The following GSG1L variants were observed in gnomAD, a reference collection of about 807,000 sequenced individuals.
The protein encoded by GSG1L is GSG1 like, also known as germ cell-specific gene 1-like protein.
In GSG1L, 24 loss-of-function variants were observed where a neutral mutation model predicts 42.1. The observed-to-expected ratio is 0.57, with a 90% CI of 0.41 to 0.80. GSG1L has a LOEUF of 0.80. Ranked by LOEUF, GSG1L falls within the 30% of genes least tolerant of loss-of-function variation. The pLI is 0.00. For missense variants in GSG1L, 445 were observed against 472.2 expected (o/e 0.94, Z 0.53); for synonymous variants, 215 against 203.5 (o/e 1.06, Z -0.48).
At chr16:27,953,094 C>A (rs903431410) in intron 2 of GSG1L, among the ~76,000 whole-genome samples, 4 of 152,018 alleles carry the variant, frequency 2.6e-5, no homozygotes, top group African/African-American at 9.7e-5. Context: ...TTGTTTTTTT[C>A]TTTTCTTTTT....
intron 1 of GSG1L, among the ~76,000 whole-genome samples, chr16:28,002,829 CG>C (rs2085593920): frequency 6.6e-6 from 1 of 151,588 alleles, no homozygotes; most frequent in African/African-American, 2.4e-5. Context: ...CCCAGCTACT[CG>C]GGAGGCTGAG....
chr16:28,046,436 C>T (rs2086159485), intron 1 of GSG1L, among the ~76,000 whole-genome samples: 1 of 150,434 alleles, frequency 6.6e-6, no homozygotes, highest in African/African-American at 2.5e-5. Context: ...TCACTGCAAG[C>T]TCCGCCTCCC....
chr16:27,989,750 A>C (rs575348441), intron 1 of GSG1L, among the ~76,000 whole-genome samples: 43 of 150,190 alleles, frequency 2.9e-4, no homozygotes, highest in African/African-American at 9.1e-4. Flanking sequence ...AAAAAAAAAA[A>C]CAACAAACAA....
At chr16:27,939,068 A>T (rs978751724) in intron 2 of GSG1L, among the ~76,000 whole-genome samples, 3 of 152,198 alleles carry the variant, frequency 2.0e-5, no homozygotes, top group African/African-American at 7.2e-5. Context: ...CCAACTGCAA[A>T]AAAAGAAAGA....
chr16:28,034,798 C>A (rs1035017002), intron 1 of GSG1L, among the ~76,000 whole-genome samples: 2 of 152,200 alleles, frequency 1.3e-5, no homozygotes, highest in African/African-American at 2.4e-5. Flanking sequence ...GCCTATAACG[C>A]CCCCACTCCA....
intron 1 of GSG1L, among the ~76,000 whole-genome samples, chr16:27,993,644 G>A (rs866724458): frequency 2.6e-5 from 4 of 152,106 alleles, no homozygotes; most frequent in Middle Eastern, 3.2e-3. Flanking sequence ...AGAGGAGAAA[G>A]GAAGAAGCTG....
chr16:28,002,747 G>A (rs975734480), intron 1 of GSG1L, among the ~76,000 whole-genome samples: 3 of 151,560 alleles, frequency 2.0e-5, no homozygotes, highest in African/African-American at 7.3e-5. Context: ...TGGCTAACAC[G>A]GTGAAACCCC....
intron 1 of GSG1L, among the ~76,000 whole-genome samples, chr16:28,003,641 G>A (rs2141146703): frequency 1.3e-5 from 2 of 152,336 alleles, no homozygotes; most frequent in South Asian, 4.1e-4. Flanking sequence ...GCTCCCAGAG[G>A]AGAAGAACTG....
intron 2 of GSG1L, among the ~76,000 whole-genome samples, chr16:27,911,266 G>GCTCGCTCGCTCTCTCTCTCTCT (rs568864667): frequency 8.2e-6 from 1 of 122,058 alleles, no homozygotes; most frequent in African/African-American, 3.5e-5. Flanking sequence ...CCTCTCTCTC[G>GCTCGCTCGCTCTCTCTCTCTCT]CTCTCTCTCT....
chr16:27,792,243 C>T (rs967993293), intron 6 of GSG1L, among the ~76,000 whole-genome samples: 12 of 152,176 alleles, frequency 7.9e-5, no homozygotes, highest in Non-Finnish European at 1.8e-4. Context: ...GCAGATGTCT[C>T]CTAGGTCCCC....
chr16:27,821,049 C>G (rs1194944741), intron 5 of GSG1L, among the ~76,000 whole-genome samples: 1 of 152,104 alleles, frequency 6.6e-6, no homozygotes, highest in Non-Finnish European at 1.5e-5. Flanking sequence ...AAACTCAGCT[C>G]AGGGGTCTCT....
At chr16:27,868,929 A>G (rs2083766340) in intron 3 of GSG1L, among the ~76,000 whole-genome samples, 1 of 151,782 alleles carries the variant, frequency 6.6e-6, no homozygotes, top group African/African-American at 2.4e-5. Flanking sequence ...CCTGAAGGAG[A>G]TAAAAGGTCT....
At chr16:27,936,908 T>C (rs985181122) in intron 2 of GSG1L, among the ~76,000 whole-genome samples, 8 of 152,220 alleles carry the variant, frequency 5.3e-5, no homozygotes, top group East Asian at 1.9e-4. Context: ...AGGAAAGTCA[T>C]TGAGGCAGCC....
At chr16:27,949,820 G>A (rs1221378923) in intron 2 of GSG1L, among the ~76,000 whole-genome samples, 1 of 152,186 alleles carries the variant, frequency 6.6e-6, no homozygotes, top group African/African-American at 2.4e-5. Flanking sequence ...AGCTACTCGG[G>A]AGGCTGAGAC....
At chr16:27,834,215 C>A (rs2083300203) in intron 4 of GSG1L, among the ~76,000 whole-genome samples, 1 of 151,826 alleles carries the variant, frequency 6.6e-6, no homozygotes, top group African/African-American at 2.4e-5. Context: ...TTTTTTTATT[C>A]TTTAGCCTGT....
At chr16:27,853,069 C>T (rs1356181718) in intron 3 of GSG1L, among the ~76,000 whole-genome samples, 1 of 152,194 alleles carries the variant, frequency 6.6e-6, no homozygotes, top group African/African-American at 2.4e-5. Context: ...AGCCCCAGAA[C>T]AGCCTCCCGC....
At chr16:27,988,103 C>T (rs1363422333) in intron 1 of GSG1L, among the ~76,000 whole-genome samples, 1 of 151,994 alleles carries the variant, frequency 6.6e-6, no homozygotes, top group Non-Finnish European at 1.5e-5. Context: ...GGAATATTAA[C>T]TTTTAAACAC....
intron 2 of GSG1L, among the ~76,000 whole-genome samples, chr16:27,892,230 G>A (rs1050946510): frequency 6.6e-6 from 1 of 152,016 alleles, no homozygotes; most frequent in Non-Finnish European, 1.5e-5. Flanking sequence ...CGAGCTGGGA[G>A]GATCACTTAA....
At chr16:28,025,655 A>C (rs1340154759) in intron 1 of GSG1L, among the ~76,000 whole-genome samples, 1 of 152,200 alleles carries the variant, frequency 6.6e-6, no homozygotes, top group African/African-American at 2.4e-5. Flanking sequence ...TGTCAGATAA[A>C]TTCACGAATA....
Sources: allele counts gnomAD v4.1 joint callset (sites outside exome capture counted in the v4.1 genomes callset), GRCh38; gene constraint gnomAD v4.1.1; transcripts MANE v1.5; gene names NCBI Gene and HGNC (gene_info 2026-07-23, HGNC 2026-07-21).